Variants in LUZP2 observed in about 807,000 individuals in gnomAD.
The protein encoded by LUZP2 is leucine zipper protein 2.
LUZP2 carries 52 observed loss-of-function variants against 51.6 expected under a neutral mutation model. The observed-to-expected ratio is 1.01, with a 90% CI of 0.81 to 1.27. The LOEUF is 1.27. LUZP2 is among the 50% of genes most tolerant of loss of function. LUZP2 has a pLI of 0.00. For missense variants in LUZP2, 436 were observed against 395.4 expected, an observed-to-expected ratio of 1.10 and a Z score of -0.87; for synonymous variants, 154 against 137.3, an observed-to-expected ratio of 1.12 and a Z score of -0.85.
chr11:24,740,674 A>G (rs559660464), intron 4 of LUZP2, among the ~76,000 whole-genome samples: 1 of 152,248 alleles, frequency 6.6e-6, no homozygotes, highest in East Asian at 1.9e-4. Flanking sequence ...ATTAATGTAC[A>G]TAATCTCTCT....
chr11:24,923,872 A>G (rs924207394), intron 7 of LUZP2, among the ~76,000 whole-genome samples: 1 of 152,148 alleles, frequency 6.6e-6, no homozygotes, highest in African/African-American at 2.4e-5. Flanking sequence ...CTCACTTGAG[A>G]TGAATTCATA....
chr11:24,539,198 A>T (rs923748057), intron 1 of LUZP2, among the ~76,000 whole-genome samples: 1 of 151,912 alleles, frequency 6.6e-6, no homozygotes, highest in Non-Finnish European at 1.5e-5. Context: ...TTCTCTTGTT[A>T]GAACACAAGT....
At chr11:24,926,422 T>TATAC (rs1491118772) in intron 7 of LUZP2, among the ~76,000 whole-genome samples, 1 of 129,824 alleles carries the variant, frequency 7.7e-6, no homozygotes, top group Non-Finnish European at 1.7e-5. Flanking sequence ...TGTATATATA[T>TATAC]GTGTGTATAT....
intron 1 of LUZP2, chr11:24,646,460 A>G (rs1855465312): frequency 1.4e-5 from 4 of 284,214 alleles, no homozygotes; most frequent in Non-Finnish European, 2.1e-5. Flanking sequence ...TAGTGACACT[A>G]TCAGAGACTC....
At chr11:24,522,713 A>G (rs1182363573) in intron 1 of LUZP2, among the ~76,000 whole-genome samples, 1 of 152,136 alleles carries the variant, frequency 6.6e-6, no homozygotes, top group Admixed American at 6.6e-5. Context: ...ATGTGAAATT[A>G]AATATACAAT....
At chr11:24,859,118 C>T (rs1288932118) in intron 5 of LUZP2, among the ~76,000 whole-genome samples, 1 of 152,054 alleles carries the variant, frequency 6.6e-6, no homozygotes, top group African/African-American at 2.4e-5. Flanking sequence ...AAGAAGATGA[C>T]TTAATATAAG....
intron 5 of LUZP2, among the ~76,000 whole-genome samples, chr11:24,829,889 A>G (rs1850647245): frequency 6.6e-6 from 1 of 152,222 alleles, no homozygotes; most frequent in South Asian, 2.1e-4. Flanking sequence ...ATGATTGTGG[A>G]TAAAAGAAAC....
At chr11:25,032,153 C>A (rs1003508498) in intron 9 of LUZP2, among the ~76,000 whole-genome samples, 2 of 152,106 alleles carry the variant, frequency 1.3e-5, no homozygotes, top group Non-Finnish European at 2.9e-5. Flanking sequence ...GTGTATTCCT[C>A]CCTAGCGCCT....
intron 7 of LUZP2, among the ~76,000 whole-genome samples, chr11:24,919,458 G>GATAATATATGTTATATATTATAT (rs1853943927): frequency 8.2e-6 from 1 of 121,862 alleles, no homozygotes; most frequent in Non-Finnish European, 1.7e-5. Context: ...GACATATATT[G>GATAATATATGTTATATATTATAT]ATAATATATG....
In LUZP2 at chr11:24,729,252, C is replaced by T; in HGVS notation, c.146C>T (p.Ser49Leu). Reference protein sequence around the residue: ...STILRQLTKTSRELDGIKVNL... With the variant: ...STILRQLTKTLRELDGIKVNL... ...ATTCTTCGTCAGCTGACAAAGACAT[C>T]AAGAGAACTTGATGGAATTAAAGTC... The change falls in exon 2 of 12, where the codon TCA becomes TTA. Residue 49 changes from serine to leucine, a missense_variant. Ser to Leu is a moderately radical substitution (Grantham distance 145). Transcript: ENST00000336930. The T allele has an allele frequency of 1.3e-6, 2 of 1,566,020 alleles. No homozygotes were observed. Among genetic ancestry groups the T allele is most frequent in the Non-Finnish European group, 8.7e-7 (1 of 1,148,828 alleles).
At chr11:24,751,982 G>A (rs2134010556) in intron 4 of LUZP2, among the ~76,000 whole-genome samples, 1 of 152,040 alleles carries the variant, frequency 6.6e-6, no homozygotes, top group Non-Finnish European at 1.5e-5. Flanking sequence ...GTAAAATAAA[G>A]AATACACTAA....
intron 1 of LUZP2, among the ~76,000 whole-genome samples, chr11:24,560,075 T>C (rs1275408436): frequency 6.6e-6 from 1 of 152,170 alleles, no homozygotes; most frequent in African/African-American, 2.4e-5. Context: ...TATACCTATG[T>C]AACAAACCTG....
intron 1 of LUZP2, among the ~76,000 whole-genome samples, chr11:24,692,520 G>A (rs1263045152): frequency 4.0e-5 from 6 of 151,878 alleles, no homozygotes; most frequent in East Asian, 1.9e-4. Flanking sequence ...AAGAAAAAGT[G>A]GACACTTTTT....
intron 1 of LUZP2, among the ~76,000 whole-genome samples, chr11:24,697,985 A>G (rs1208992355): frequency 3.9e-5 from 6 of 152,102 alleles, no homozygotes; most frequent in Non-Finnish European, 8.8e-5. Context: ...TGATGTTCCT[A>G]TGATTTAATC....
chr11:25,019,276 T>G (rs1344335844), intron 9 of LUZP2, among the ~76,000 whole-genome samples: 1 of 152,182 alleles, frequency 6.6e-6, no homozygotes, highest in African/African-American at 2.4e-5. Context: ...TCATATAGAA[T>G]GTCATACATC....
At chr11:24,604,142 A>C (rs1590231632) in intron 1 of LUZP2, among the ~76,000 whole-genome samples, 1 of 151,832 alleles carries the variant, frequency 6.6e-6, no homozygotes, top group East Asian at 1.9e-4. Flanking sequence ...CCAGCATACT[A>C]TATTCTGTGT....
intron 1 of LUZP2, among the ~76,000 whole-genome samples, chr11:24,546,150 G>T (rs1851534114): frequency 6.6e-6 from 1 of 151,918 alleles, no homozygotes; most frequent in Non-Finnish European, 1.5e-5. Context: ...ATACTTTTTT[G>T]AAGTTGCTTA....
intron 1 of LUZP2, among the ~76,000 whole-genome samples, chr11:24,707,058 T>C (rs1176771475): frequency 2.7e-5 from 4 of 150,918 alleles, no homozygotes; most frequent in African/African-American, 9.7e-5. Context: ...AAGAAAAAAG[T>C]ATATATAACT....
chr11:24,957,630 A>G (rs1412442117), intron 7 of LUZP2, among the ~76,000 whole-genome samples: 3 of 152,212 alleles, frequency 2.0e-5, no homozygotes, highest in Non-Finnish European at 4.4e-5. Context: ...TTCACTTAGC[A>G]TAATGCTCTT....
Sources: allele counts gnomAD v4.1 joint callset (sites outside exome capture counted in the v4.1 genomes callset), GRCh38; gene constraint gnomAD v4.1.1; transcripts MANE v1.5; gene names NCBI Gene and HGNC (gene_info 2026-07-23, HGNC 2026-07-21).